Variants in QKI observed in about 807,000 individuals in gnomAD.
QKI encodes the protein QKI, KH domain containing RNA binding.
QKI carries 10 observed loss-of-function variants against 39.0 expected under a neutral mutation model. The observed-to-expected ratio is 0.26, with a 90% CI of 0.16 to 0.43. The LOEUF is 0.43. Ranked by LOEUF, QKI falls within the 20% of genes least tolerant of loss-of-function variation. The pLI, the probability that QKI is intolerant of heterozygous loss-of-function variation, is 1.00. For missense variants in QKI, 218 were observed against 428.0 expected (o/e 0.51, Z 4.33); for synonymous variants, 204 against 155.4 (o/e 1.31, Z -2.33).
At chr6:163,517,471 G>A (rs558703949) in intron 3 of QKI, among the ~76,000 whole-genome samples, 1 of 151,874 alleles carries the variant, frequency 6.6e-6, no homozygotes, top group African/African-American at 2.4e-5. Context: ...AGGCTGGAGT[G>A]CAGTGGCTTA....
chr6:163,563,283 T>C (rs562013441), intron 5 of QKI, 137 bp from the exon 6 acceptor site: 1 of 720,610 alleles, frequency 1.4e-6, no homozygotes, highest in South Asian at 2.4e-5. Flanking sequence ...TTTTGTGTGA[T>C]CAGCGCATGT....
intron 2 of QKI, among the ~76,000 whole-genome samples, chr6:163,459,816 A>C (rs1791212308): frequency 6.6e-6 from 1 of 152,208 alleles, no homozygotes; most frequent in Non-Finnish European, 1.5e-5. Context: ...TGAAGACTTT[A>C]AGTTTCTCAT....
At chr6:163,459,483 C>G (rs1405601333) in intron 2 of QKI, among the ~76,000 whole-genome samples, 2 of 152,130 alleles carry the variant, frequency 1.3e-5, no homozygotes, top group Admixed American at 1.3e-4. Context: ...ACCCAAATGT[C>G]AGTAGTGCTG....
intron 2 of QKI, among the ~76,000 whole-genome samples, chr6:163,466,079 A>T (rs1274249425): frequency 6.6e-6 from 1 of 151,620 alleles, no homozygotes; most frequent in Non-Finnish European, 1.5e-5. Context: ...GTGAGCCGAG[A>T]TCACATCACT....
intron 1 of QKI, among the ~76,000 whole-genome samples, chr6:163,419,565 A>G (rs922768133): frequency 6.6e-6 from 1 of 152,162 alleles, no homozygotes; most frequent in African/African-American, 2.4e-5. Flanking sequence ...ACTATTTATA[A>G]TCACTTCTTT....
intron 3 of QKI, among the ~76,000 whole-genome samples, chr6:163,534,361 A>G (rs1781062092): frequency 6.6e-6 from 1 of 152,176 alleles, no homozygotes; most frequent in Non-Finnish European, 1.5e-5. Flanking sequence ...TTACCGCATG[A>G]AATACTTAAA....
intron 1 of QKI, among the ~76,000 whole-genome samples, chr6:163,429,701 T>C (rs1788681549): frequency 6.6e-6 from 1 of 152,180 alleles, no homozygotes; most frequent in Non-Finnish European, 1.5e-5. Context: ...TAGAAACTGG[T>C]TGTTAGGATG....
chr6:163,518,634 AAAT>A (rs1779971559), intron 3 of QKI, among the ~76,000 whole-genome samples: 1 of 152,184 alleles, frequency 6.6e-6, no homozygotes, highest in African/African-American at 2.4e-5. Context: ...TGATATTAAA[AAAT>A]ATTATATTTC....
rs1780051462 is a variant in QKI, at chr6:163,519,989, A to G, written c.403-14993A>G. 2.0e-5 allele frequency among the ~76,000 whole-genome samples: 3 copies of G among 152,264 alleles called. No homozygotes were observed. In the South Asian group the frequency reaches 6.2e-4, roughly 32 times the overall value. On this transcript the variant is annotated intron_variant, in intron 3 of 7. Coordinates refer to ENST00000361752, the MANE Select transcript of QKI (RefSeq NM_006775.3). ...GAAACATGGCTTTAAGCACTAGTGG[A>G]CAAGTAACGTACCCTTTGAAAATAC...
intron 7 of QKI, chr6:163,569,544 G>T: frequency 8.3e-7 from 1 of 1,201,712 alleles, no homozygotes; most frequent in Non-Finnish European, 1.1e-6. Flanking sequence ...AGTGGACCAA[G>T]TTTGGTGAAG....
chr6:163,525,418 G>A (rs1175179515), intron 3 of QKI, among the ~76,000 whole-genome samples: 3 of 145,916 alleles, frequency 2.1e-5, no homozygotes, highest in Non-Finnish European at 4.6e-5. Context: ...GAGTGCAGTG[G>A]CACAGTCTTG....
intron 7 of QKI, chr6:163,569,424 C>T (rs1166306098): frequency 3.2e-5 from 41 of 1,268,056 alleles, no homozygotes; most frequent in Non-Finnish European, 4.1e-5. Flanking sequence ...TCATTCACAT[C>T]TCCTCTGCCT....
chr6:163,542,503 A>G (rs991625283), intron 4 of QKI, among the ~76,000 whole-genome samples: 4 of 152,038 alleles, frequency 2.6e-5, no homozygotes, highest in African/African-American at 9.7e-5. Flanking sequence ...GGGAGGTAAA[A>G]GGTTTCCATT....
intron 1 of QKI, among the ~76,000 whole-genome samples, chr6:163,444,332 A>G (rs557282561): frequency 5.9e-5 from 9 of 152,334 alleles, no homozygotes; most frequent in African/African-American, 1.9e-4. Flanking sequence ...CAGAAGGTTC[A>G]GTTTGAAGGC....
At chr6:163,457,655 G>C in intron 2 of QKI, 3 of 331,512 alleles carry the variant, frequency 9.0e-6, no homozygotes, top group South Asian at 7.1e-5. Context: ...TTTTTTTGGA[G>C]AGGGGACAGG....
At chr6:163,433,263 A>G (rs1788978917) in intron 1 of QKI, among the ~76,000 whole-genome samples, 1 of 152,174 alleles carries the variant, frequency 6.6e-6, no homozygotes, top group South Asian at 2.1e-4. Context: ...TTACATTATT[A>G]CTTTGTGGAT....
At chr6:163,561,932 A>G (rs370394865) in intron 4 of QKI, 50 bp from the exon 5 acceptor site, 96 of 1,391,562 alleles carry the variant, frequency 6.9e-5, no homozygotes, top group African/African-American at 8.6e-5. Context: ...TAGCTATTAT[A>G]TTTGTGGACA....
intron 3 of QKI, among the ~76,000 whole-genome samples, chr6:163,488,563 T>G (rs952995958): frequency 6.6e-6 from 1 of 152,156 alleles, no homozygotes; most frequent in Non-Finnish European, 1.5e-5. Context: ...ATTTGCTTTA[T>G]TTCAAAAAAG....
intron 3 of QKI, among the ~76,000 whole-genome samples, chr6:163,494,347 A>G (rs1366421762): frequency 2.6e-5 from 4 of 152,226 alleles, no homozygotes; most frequent in African/African-American, 9.6e-5. Context: ...CCTGGGACCA[A>G]TCCCACAGGG....
Sources: gnomAD v4.1 joint callset for allele counts (sites outside exome capture counted in the v4.1 genomes callset) on GRCh38, gnomAD v4.1.1 for gene constraint, MANE v1.5 for transcripts, NCBI Gene and HGNC (gene_info 2026-07-23, HGNC 2026-07-21) for gene names.